The following PCDHGB7 variants were observed in gnomAD, a reference collection of about 807,000 sequenced individuals.
PCDHGB7 encodes the protein protocadherin gamma-B7.
A neutral mutation model predicts 61.4 loss-of-function variants in PCDHGB7; 37 were observed. The observed-to-expected ratio is 0.60, with a 90% CI of 0.46 to 0.79. The LOEUF is 0.79. Ranked by LOEUF, PCDHGB7 falls within the 30% of genes least tolerant of loss-of-function variation. PCDHGB7 has a pLI of 0.00. For missense variants in PCDHGB7, 1,166 were observed against 1,202.5 expected, an observed-to-expected ratio of 0.97 and a Z score of 0.45; for synonymous variants, 464 against 503.5, an observed-to-expected ratio of 0.92 and a Z score of 1.05.
chr5:141,424,391 C>T (rs2096818270), intron 1 of PCDHGB7: 1 of 152,106 alleles, frequency 6.6e-6, no homozygotes, highest in South Asian at 2.1e-4. Flanking sequence ...GATGTCTTTT[C>T]CATTACTATG....
In PCDHGB7 at chr5:141,487,161, T is replaced by C; in HGVS notation, c.2416-7646T>C. Reference sequence around the variant, plus strand: ...CTCTCTACCTCTGTTACTCTCTTAGTGTCCTTAGAGGAAGACACTCATCCA... The same window carrying C: ...CTCTCTACCTCTGTTACTCTCTTAGCGTCCTTAGAGGAAGACACTCATCCA... On this transcript the variant is annotated intron_variant, in intron 1 of 3. Coordinates refer to ENST00000398594, the MANE Select transcript of PCDHGB7 (RefSeq NM_018927.4). This position sits in a 1 kb window ranked among gnomAD's most constrained non-coding sequence, Gnocchi z 5.0. 6.2e-7 allele frequency: 1 copy of C among 1,613,528 alleles called. No homozygotes were observed.
intron 2 of PCDHGB7, 80 bp downstream of exon 2, chr5:141,494,945 C>G (rs2099757788): frequency 6.2e-7 from 1 of 1,608,958 alleles, no homozygotes; most frequent in Non-Finnish European, 8.5e-7. Flanking sequence ...GGGGGAGGGC[C>G]CAGCATTTGC....
Position 141,503,010 on chromosome 5 carries a change from AT to A in PCDHGB7, c.2475-2371del, listed in dbSNP as rs199924715. ...AGGCGTGTGCCACCATGCCCGGTTA[AT>A]TTTTTTTTTTTAATATCTATTTTAG... On this transcript the variant is annotated intron_variant, in intron 2 of 3. Coordinates refer to ENST00000398594, the MANE Select transcript of PCDHGB7 (RefSeq NM_018927.4). Among the ~76,000 whole-genome samples the A allele has an allele frequency of 6.8e-3, 997 of 146,562 alleles. 9 individuals are homozygous for A. The highest frequency in any genetic ancestry group is 0.023 in the African/African-American group (916 of 39,838).
chr5:141,498,251 C>A (rs1277949209), intron 2 of PCDHGB7, among the ~76,000 whole-genome samples: 1 of 152,178 alleles, frequency 6.6e-6, no homozygotes, highest in African/African-American at 2.4e-5. Flanking sequence ...CAAAGCAGGG[C>A]TGGTGTTGAG....
intron 3 of PCDHGB7, among the ~76,000 whole-genome samples, chr5:141,510,511 T>C (rs2099881465): frequency 6.6e-6 from 1 of 152,142 alleles, no homozygotes; most frequent in Non-Finnish European, 1.5e-5. Context: ...TGAGAGCCCG[T>C]GTCACAGCCC....
intron 1 of PCDHGB7, among the ~76,000 whole-genome samples, chr5:141,456,187 A>G (rs989106132): frequency 3.9e-5 from 6 of 152,084 alleles, no homozygotes; most frequent in African/African-American, 1.4e-4. Flanking sequence ...TAATTTCTTA[A>G]TAACTCCTAC....
Position 141,476,176 on chromosome 5 carries a change from G to C in PCDHGB7, c.2416-18631G>C, listed in dbSNP as rs778169270. 1 of 1,613,530 alleles carries C rather than the reference G, an allele frequency of 6.2e-7. No homozygotes were observed. The highest frequency in any genetic ancestry group is 8.5e-7 in the Non-Finnish European group (1 of 1,180,006). On this transcript the variant is annotated intron_variant, in intron 1 of 3. Transcript: ENST00000398594. The surrounding 1 kb of genome is among the most constrained non-coding windows in gnomAD (Gnocchi z 7.6). ...GCACCGGGAGGGTAGTGGGAGTTTT[G>C]CTTCTGCTTGGTGCCTTGAACAAGG...
At position 141,490,169 on chromosome 5, in the gene PCDHGB7, T is replaced by C; in HGVS notation, c.2416-4638T>C. ...ATCCATGTGTTGGGTCCCATAGACT[T>C]TGAGGAGTCACGTTTCTATGAAATT... On this transcript the variant is annotated intron_variant, in intron 1 of 3. Transcript: ENST00000398594. This position sits in a 1 kb window ranked among gnomAD's most constrained non-coding sequence, Gnocchi z 5.4. 6.2e-7 allele frequency: 1 copy of C among 1,614,190 alleles called. No individual in the cohort carries two copies. The highest frequency in any genetic ancestry group is 8.5e-7 in the Non-Finnish European group (1 of 1,180,018).
chr5:141,425,795 T>A (rs2096894407), intron 1 of PCDHGB7, among the ~76,000 whole-genome samples: 1 of 152,244 alleles, frequency 6.6e-6, no homozygotes, highest in Non-Finnish European at 1.5e-5. Flanking sequence ...TTCCAATATG[T>A]GCATTGCTTC....
In PCDHGB7 at chr5:141,489,928, G is replaced by A. The variant is rs752861962; in HGVS notation, c.2416-4879G>A. ...CCGCTCAGGGACCACCCTTATCTCT[G>A]TCATCGTGCTGGACATCAATGATAA... On this transcript the variant is annotated intron_variant, in intron 1 of 3. Transcript: ENST00000398594. The surrounding 1 kb of genome is among the most constrained non-coding windows in gnomAD (Gnocchi z 4.5). 2 of 1,614,206 alleles carry A rather than the reference G, an allele frequency of 1.2e-6. No homozygotes were observed. Among genetic ancestry groups the A allele is most frequent in the Non-Finnish European group, 1.7e-6 (2 of 1,180,038 alleles).
At chr5:141,451,892 A>C (rs1215224398) in intron 1 of PCDHGB7, among the ~76,000 whole-genome samples, 2 of 152,114 alleles carry the variant, frequency 1.3e-5, no homozygotes, top group Non-Finnish European at 2.9e-5. Context: ...AAAGAAAGGA[A>C]GGAACAAGGG....
intron 1 of PCDHGB7, among the ~76,000 whole-genome samples, chr5:141,444,000 A>T (rs2098413157): frequency 6.6e-6 from 1 of 152,070 alleles, no homozygotes; most frequent in African/African-American, 2.4e-5. Context: ...TTTAAATGCT[A>T]CCTGGGTATT....
intron 1 of PCDHGB7, among the ~76,000 whole-genome samples, chr5:141,449,103 A>G (rs1033077737): frequency 2.0e-5 from 3 of 152,206 alleles, no homozygotes; most frequent in African/African-American, 7.2e-5. Context: ...CATATGCAGT[A>G]TATCTTTGGG....
At chr5:141,507,239 G>C (rs2099859378) in intron 3 of PCDHGB7, 1 of 152,310 alleles carries the variant, frequency 6.6e-6, no homozygotes, top group Non-Finnish European at 1.5e-5. Context: ...CCCAGTTACA[G>C]TTGAATGTCA....
intron 2 of PCDHGB7, among the ~76,000 whole-genome samples, chr5:141,496,189 G>T (rs1362938002): frequency 1.3e-5 from 2 of 152,004 alleles, no homozygotes; most frequent in African/African-American, 4.8e-5. Context: ...AGCCCCAGCT[G>T]CTCATTTCAA....
In PCDHGB7 at chr5:141,512,385, A is replaced by G. The variant is rs78180647; in HGVS notation, c.*1212A>G. 6,750 of 152,704 alleles carry G rather than the reference A, an allele frequency of 0.044. 413 individuals carry two copies. Among genetic ancestry groups the G allele is most frequent in the Admixed American group, 0.18 (2,745 of 15,296 alleles). The allele number at this position is 152,704 out of a possible 1,614,324, so 9.5% of individuals were successfully genotyped here. ...TAGGGCAGGGACCAAATGAACAGAAAGTCTCAGCCCAGGATGGGGCTTCTT... is the reference window on the plus strand; with the variant it reads ...TAGGGCAGGGACCAAATGAACAGAAGGTCTCAGCCCAGGATGGGGCTTCTT... On this transcript the variant is annotated 3_prime_UTR_variant, in exon 4 of 4. Coordinates refer to ENST00000398594, the MANE Select transcript of PCDHGB7 (RefSeq NM_018927.4).
At chr5:141,423,508 A>G (rs962526072) in intron 1 of PCDHGB7, 2 of 1,613,860 alleles carry the variant, frequency 1.2e-6, no homozygotes, top group African/African-American at 2.7e-5. Context: ...GGTCTCTCTC[A>G]TTGCGGACTC....
At chr5:141,428,754 T>C (rs932377392) in intron 1 of PCDHGB7, 7 of 154,708 alleles carry the variant, frequency 4.5e-5, no homozygotes, top group African/African-American at 1.4e-4. Context: ...TTGCTTCAGG[T>C]TTGTTTGCCC....
At chr5:141,452,966 G>T (rs996204633) in intron 1 of PCDHGB7, among the ~76,000 whole-genome samples, 6 of 152,098 alleles carry the variant, frequency 3.9e-5, no homozygotes, top group Admixed American at 1.3e-4. Context: ...TAAACTGAGG[G>T]TATATTGTCA....
Sources: gnomAD v4.1 joint callset for allele counts (sites outside exome capture counted in the v4.1 genomes callset) on GRCh38, gnomAD v4.1.1 for gene constraint, Gnocchi (gnomAD v3.1) non-coding constraint, MANE v1.5 for transcripts, NCBI Gene and HGNC (gene_info 2026-07-23, HGNC 2026-07-21) for gene names.